AIRE: variants seen among roughly 807,000 people sequenced by gnomAD.
AIRE encodes the protein autoimmune polyendocrinopathy candidiasis ectodermal dystrophy protein.
Under a neutral mutation model 62.1 loss-of-function variants are expected in AIRE, and 52 were observed. That is an observed-to-expected ratio of 0.84 (90% CI 0.67 to 1.06). The LOEUF (loss-of-function observed/expected upper bound fraction) is 1.06, where lower values mean the gene tolerates loss of function less well. AIRE is among the 50% of genes least tolerant of loss of function. AIRE has a pLI of 0.00. For missense variants in AIRE, 774 were observed against 755.8 expected (o/e 1.02, Z -0.28); for synonymous variants, 342 against 321.6 (o/e 1.06, Z -0.68).
Position 44,287,072 on chromosome 21 carries a change from C to T in AIRE, c.402C>T (p.Ala134=), listed in dbSNP as rs2146376334. The change falls in exon 3 of 14, where the codon GCC becomes GCT. Residue 134 remains alanine (A), a synonymous_variant. Coordinates refer to ENST00000291582, the MANE Select transcript of AIRE (RefSeq NM_000383.4). The surrounding 1 kb of genome is among the most constrained non-coding windows in gnomAD (Gnocchi z 4.3). ...PPPRLPTKRK[A]SEEARAAAPA... is the part of the protein sequence containing the mutation. ...CCAGACTCCCCACCAAGAGGAAGGC[C>T]TCAGAAGAGGCTCGAGCTGCCGCGC... 6.2e-7 allele frequency: 1 copy of T among 1,612,762 alleles called. No individual in the cohort carries two copies.
rs778067704 is a variant in AIRE at position 44,289,713 on chromosome 21, G to A, written c.709G>A (p.Glu237Lys). 5.6e-6 allele frequency: 9 copies of A among 1,612,706 alleles called. No individual in the cohort carries two copies. Among genetic ancestry groups the A allele is most frequent in the Middle Eastern group, 1.6e-4 (1 of 6,084 alleles). ...GGAGTTCTACACTCCCAGCAAGTTC[G>A]AAGACTCCGGCAGTGGGAAGAACAA... ...GGEFYTPSKF[E>K]DSGSGKNKAR... Residue 237 changes from glutamate to lysine, a missense_variant, in exon 6 of 14, where the codon GAA (glutamate) becomes AAA (lysine). Glu to Lys is a moderately conservative substitution (Grantham distance 56). Coordinates refer to ENST00000291582, the MANE Select transcript of AIRE (RefSeq NM_000383.4).
rs1032679907 is a variant in AIRE at position 44,290,467 on chromosome 21, TG to T, written c.879+401del. 8 of 982,206 alleles carry T rather than the reference TG, an allele frequency of 8.1e-6. No individual in the cohort carries two copies. In the African/African-American group the frequency reaches 1.2e-4, roughly 15 times the overall value. 60.8% of individuals were successfully genotyped at this position (982,206 alleles called of 1,614,324 possible). A position where few individuals can be genotyped will look rare whatever the true frequency, so the allele number is the denominator to read the frequency against. ...GAAGCAGTGTGGGGGGTGCCTGCCG[TG>T]GTGGGTTACAGATCTTGACCACTTG... is the stretch of plus-strand genomic sequence containing the variant. On this transcript the variant is annotated intron_variant, in intron 7 of 13. Coordinates refer to ENST00000291582, the MANE Select transcript of AIRE (RefSeq NM_000383.4).
intron 5 of AIRE, 180 bp downstream of exon 5, chr21:44,288,638 C>A: frequency 1.7e-6 from 1 of 592,678 alleles, no homozygotes; most frequent in Non-Finnish European, 3.0e-6. Flanking sequence ...CTGAAGTCTC[C>A]CTGTCGGGGG....
At position 44,297,394 on chromosome 21, in the gene AIRE, G is replaced by A. The variant is rs1406268929; in HGVS notation, c.1567-262G>A. On this transcript the variant is annotated intron_variant, in intron 13 of 13. Transcript: ENST00000291582. This position sits in a 1 kb window ranked among gnomAD's most constrained non-coding sequence, Gnocchi z 4.8. ...GTGCCCTGGGCTTATAGGATGTGGT[G>A]AAGTACACAGGACAGGGTCCTCGGT... is the stretch of plus-strand genomic sequence containing the variant. 2.6e-5 allele frequency among the ~76,000 whole-genome samples: 4 copies of A among 151,938 alleles called. No homozygotes were observed. In the South Asian group the frequency reaches 6.2e-4, roughly 24 times the overall value.
intron 8 of AIRE, 74 bp from the exon 9 acceptor site, chr21:44,292,226 GCT>G: frequency 8.4e-7 from 1 of 1,197,116 alleles, no homozygotes; most frequent in Non-Finnish European, 1.2e-6. Flanking sequence ...GAGCCCTGGA[GCT>G]CCACCCGTGG....
At chr21:44,296,177 G>C (rs1026310859) in intron 12 of AIRE, among the ~76,000 whole-genome samples, 1 of 152,146 alleles carries the variant, frequency 6.6e-6, no homozygotes, top group African/African-American at 2.4e-5. Context: ...GCCGTGGGCA[G>C]CTGGCCGTGG....
intron 9 of AIRE, 133 bp from the exon 10 acceptor site, chr21:44,292,860 C>T (rs1320497460): frequency 4.0e-6 from 3 of 744,558 alleles, no homozygotes; most frequent in African/African-American, 3.4e-5. Flanking sequence ...CCATGCCAGC[C>T]CTCCGCCCCC....
At position 44,286,383 on chromosome 21, in the gene AIRE, C is replaced by T. The variant is rs925830128; in HGVS notation, c.133-174C>T. On this transcript the variant is annotated intron_variant, in intron 1 of 13. Coordinates refer to ENST00000291582, the MANE Select transcript of AIRE (RefSeq NM_000383.4). The surrounding 1 kb of genome is among the most constrained non-coding windows in gnomAD (Gnocchi z 6.0). ...GCCTCCAGGTTCCCCCAGCCCCACC[C>T]TCAACACCCCTACACCACCACCTGA... 6.6e-6 allele frequency among the ~76,000 whole-genome samples: 1 copy of T among 152,108 alleles called. No individual in the cohort carries two copies. Among genetic ancestry groups the T allele is most frequent in the African/African-American group, 2.4e-5 (1 of 41,412 alleles).
rs2040480971 is a variant in AIRE, at chr21:44,286,266, C to T, written c.132+128C>T. On this transcript the variant is annotated intron_variant, in intron 1 of 13. Coordinates refer to ENST00000291582, the MANE Select transcript of AIRE (RefSeq NM_000383.4). This position sits in a 1 kb window ranked among gnomAD's most constrained non-coding sequence, Gnocchi z 6.0. ...CTCCAGCCTTCCCCAACTCCCTCCCCACAAGGAGCCAGGGGCGTCCCTGAT... is the reference window on the plus strand; with the variant it reads ...CTCCAGCCTTCCCCAACTCCCTCCCTACAAGGAGCCAGGGGCGTCCCTGAT... 5 of 1,117,256 alleles carry T rather than the reference C, an allele frequency of 4.5e-6. No homozygotes were observed. The highest frequency in any genetic ancestry group is 4.2e-5 in the Admixed American group (2 of 47,122). 69.2% of individuals were successfully genotyped at this position (1,117,256 alleles called of 1,614,324 possible).
At position 44,296,246 on chromosome 21, in the gene AIRE, C is replaced by A. The variant is rs139991656; in HGVS notation, c.1504-137C>A. 384 of 857,802 alleles carry A rather than the reference C, an allele frequency of 4.5e-4. 1 individual carries two copies. In the African/African-American group the frequency reaches 5.6e-3, roughly 12 times the overall value. 53.1% of individuals were successfully genotyped at this position (857,802 alleles called of 1,614,324 possible). On this transcript the variant is annotated intron_variant, in intron 12 of 13. Coordinates refer to ENST00000291582, the MANE Select transcript of AIRE (RefSeq NM_000383.4). ...ATGCCCACGCAGCCCTGTGCCCCCA[C>A]CCCCAGTGGAGCTGGGTGTAAGAAT...
In AIRE at chr21:44,286,605, G is replaced by A. The variant is rs372604287; in HGVS notation, c.181G>A (p.Ala61Thr). The A allele has an allele frequency of 1.1e-5, 17 of 1,612,646 alleles. No homozygotes were observed. Among genetic ancestry groups the A allele is most frequent in the South Asian group, 4.4e-5 (4 of 91,070 alleles). ...GGAGGGCTGCCCCCAGGCCTTCCAC[G>A]CCCTCCTGTCCTGGCTGCTGACCCA... ...EKEGCPQAFH[A>T]LLSWLLTQDS... Residue 61 changes from alanine (A) to threonine (T), a missense_variant, in exon 2 of 14, where the codon GCC becomes ACC. This residue lies in a region of AIRE where 385 missense variants were observed against 396.0 expected (regional missense o/e 0.97). Coordinates refer to ENST00000291582, the MANE Select transcript of AIRE (RefSeq NM_000383.4). This position sits in a 1 kb window ranked among gnomAD's most constrained non-coding sequence, Gnocchi z 6.0.
At chr21:44,294,104 AC>A (rs1307008365) in intron 11 of AIRE, among the ~76,000 whole-genome samples, 194 bp downstream of exon 11, 13 of 79,768 alleles carry the variant, frequency 1.6e-4, no homozygotes, top group African/African-American at 6.4e-4. Flanking sequence ...ACTCCACCAC[AC>A]CCCCACCCAC....
intron 4 of AIRE, 129 bp from the exon 5 acceptor site, chr21:44,288,216 C>G (rs560125637): frequency 3.4e-5 from 26 of 765,752 alleles, no homozygotes; most frequent in Admixed American, 7.6e-5. Flanking sequence ...AGGGCTGGGT[C>G]CCCTCCTTGG....
intron 12 of AIRE, 62 bp downstream of exon 12, chr21:44,294,565 G>A: frequency 2.1e-6 from 2 of 972,254 alleles, no homozygotes; most frequent in Non-Finnish European, 2.9e-6. Flanking sequence ...CCTTGGGTTG[G>A]TGTTGGGGGA....
chr21:44,291,314 T>G, intron 8 of AIRE, 104 bp downstream of exon 8: 366 of 1,507,270 alleles, frequency 2.4e-4, no homozygotes, highest in Non-Finnish European at 2.8e-4. Context: ...CCATCCAAGA[T>G]GGAAAGGGGT....
At position 44,297,600 on chromosome 21, in the gene AIRE, T is replaced by C; in HGVS notation, c.1567-56T>C. Reference sequence around the variant, plus strand: ...GACTTCTTGTAACGATGGCCATGATTCTGTGGCTGCGGCGGGGGCGCACCT... The same window carrying C: ...GACTTCTTGTAACGATGGCCATGATCCTGTGGCTGCGGCGGGGGCGCACCT... On this transcript the variant is annotated intron_variant, in intron 13 of 13. Transcript: ENST00000291582. The surrounding 1 kb of genome is among the most constrained non-coding windows in gnomAD (Gnocchi z 4.8). 1 of 1,465,332 alleles carries C rather than the reference T, an allele frequency of 6.8e-7. No individual in the cohort carries two copies. The highest frequency in any genetic ancestry group is 9.5e-7 in the Non-Finnish European group (1 of 1,048,422). The allele number at this position is 1,465,332 out of a possible 1,614,324, so 90.8% of individuals were successfully genotyped here. A position where few individuals can be genotyped will look rare whatever the true frequency, so the allele number is the denominator to read the frequency against.
chr21:44,289,906 G>A (rs1178956210), intron 6 of AIRE, 82 bp from the exon 7 acceptor site: 2 of 1,601,008 alleles, frequency 1.2e-6, no homozygotes, highest in Admixed American at 1.7e-5. Flanking sequence ...GGGGGCTGCT[G>A]CCGAGAGACG....
rs2040498567 is a variant in AIRE, at chr21:44,287,780, C to T, written c.538+189C>T. Among the ~76,000 whole-genome samples the T allele has an allele frequency of 6.6e-6, 1 of 152,154 alleles. No homozygotes were observed. Among genetic ancestry groups the T allele is most frequent in the African/African-American group, 2.4e-5 (1 of 41,414 alleles). On this transcript the variant is annotated intron_variant, in intron 4 of 13. Coordinates refer to ENST00000291582, the MANE Select transcript of AIRE (RefSeq NM_000383.4). This position sits in a 1 kb window ranked among gnomAD's most constrained non-coding sequence, Gnocchi z 4.3. ...GGGACACCTTGGGTCTAAGCATGAT[C>T]TTGCCAGTCGCCCCTGCCCCCACTG...
At chr21:44,293,550 G>C (rs1004798773) in intron 10 of AIRE, among the ~76,000 whole-genome samples, 1 of 152,084 alleles carries the variant, frequency 6.6e-6, no homozygotes, top group Non-Finnish European at 1.5e-5. Flanking sequence ...GCAGGAGAGA[G>C]GTGCGGGCGC....
Sources: allele counts gnomAD v4.1 joint callset (sites outside exome capture counted in the v4.1 genomes callset), GRCh38; gene constraint gnomAD v4.1.1; regional missense constraint gnomAD v4.1.1; non-coding constraint Gnocchi (gnomAD v3.1); transcripts MANE v1.5; gene names NCBI Gene and HGNC (gene_info 2026-07-23, HGNC 2026-07-21).